ANKFY1: variants seen among roughly 807,000 people sequenced by gnomAD.
ANKFY1 encodes ankyrin repeat and FYVE domain-containing protein 1.
A neutral mutation model predicts 128.3 loss-of-function variants in ANKFY1; 47 were observed. The ratio of observed to expected loss-of-function variants is 0.37; its 90% CI spans 0.29 to 0.47. The LOEUF (loss-of-function observed/expected upper bound fraction) is 0.47, where lower values mean the gene tolerates loss of function less well. ANKFY1 is among the 20% of genes least tolerant of loss of function. The probability of loss-of-function intolerance (pLI) is 1.00; values close to 1 mark genes in which losing one functional copy is unlikely to be tolerated. For missense variants in ANKFY1, 1,222 were observed against 1,510.6 expected, an observed-to-expected ratio of 0.81 and a Z score of 3.17; for synonymous variants, 553 against 601.6, an observed-to-expected ratio of 0.92 and a Z score of 1.18.
chr17:4,167,374 C>T lies in ANKFY1; in HGVS notation c.*405G>A, dbSNP rs766918026. ...AGCTCATTAAGCAGCCAGCTTCCTA[C>T]GCTGAGAGGCTCTGCCTCATCAGTC... On this transcript the variant is annotated 3_prime_UTR_variant, in exon 25 of 25. Coordinates refer to ENST00000341657, the MANE Select transcript of ANKFY1 (RefSeq NM_001330063.2). The surrounding 1 kb of genome is among the most constrained non-coding windows in gnomAD (Gnocchi z 4.1). The T allele has an allele frequency of 1.8e-4, 28 of 157,578 alleles. No homozygotes were observed. The highest frequency in any genetic ancestry group is 3.1e-4 in the Non-Finnish European group (22 of 71,770). The allele number at this position is 157,578 out of a possible 1,614,324, so 9.8% of individuals were successfully genotyped here. A position where few individuals can be genotyped will look rare whatever the true frequency, so the allele number is the denominator to read the frequency against.
chr17:4,243,254 G>C (rs1319156136), intron 1 of ANKFY1, among the ~76,000 whole-genome samples: 1 of 151,960 alleles, frequency 6.6e-6, no homozygotes, highest in Admixed American at 6.5e-5. Flanking sequence ...TTTTAGTAGA[G>C]ATGGGGTTTC....
At chr17:4,260,786 T>A (rs962750567) in intron 1 of ANKFY1, among the ~76,000 whole-genome samples, 2 of 152,138 alleles carry the variant, frequency 1.3e-5, no homozygotes, top group Non-Finnish European at 2.9e-5. Flanking sequence ...GGTTGTTCTC[T>A]AAACAAGTCA....
chr17:4,197,348 G>C, intron 8 of ANKFY1, 25 bp downstream of exon 8: 1 of 1,611,926 alleles, frequency 6.2e-7, no homozygotes, highest in Non-Finnish European at 8.5e-7. Flanking sequence ...AGTGCTAAGG[G>C]CACAGTGTCT....
chr17:4,214,967 T>C (rs2060196387), intron 4 of ANKFY1, among the ~76,000 whole-genome samples: 1 of 152,196 alleles, frequency 6.6e-6, no homozygotes, highest in Non-Finnish European at 1.5e-5. Context: ...AGATTAACTG[T>C]CTTTTTTTAG....
chr17:4,256,946 T>C (rs1429337043), intron 1 of ANKFY1, among the ~76,000 whole-genome samples: 1 of 152,156 alleles, frequency 6.6e-6, no homozygotes, highest in Non-Finnish European at 1.5e-5. Context: ...ATAACAAATA[T>C]TAGCTAACTA....
At chr17:4,205,825 T>C (rs1298993753) in intron 7 of ANKFY1, among the ~76,000 whole-genome samples, 12 of 152,310 alleles carry the variant, frequency 7.9e-5, no homozygotes, top group Admixed American at 7.2e-4. Context: ...ATTCAAAATA[T>C]AGCTACAATT....
At chr17:4,257,621 CT>C (rs1331016910) in intron 1 of ANKFY1, among the ~76,000 whole-genome samples, 1 of 152,210 alleles carries the variant, frequency 6.6e-6, no homozygotes, top group Non-Finnish European at 1.5e-5. Context: ...TTCCCCATTA[CT>C]TCCTTAAAAA....
intron 3 of ANKFY1, chr17:4,223,420 G>A: frequency 2.0e-6 from 3 of 1,466,220 alleles, no homozygotes; most frequent in Non-Finnish European, 2.9e-6. Flanking sequence ...ACAAAGACCT[G>A]GCTGCTAGGA....
intron 5 of ANKFY1, among the ~76,000 whole-genome samples, chr17:4,209,377 C>T (rs1449702320): frequency 7.2e-5 from 11 of 152,128 alleles, no homozygotes; most frequent in South Asian, 2.1e-4. Flanking sequence ...CTCAGTTCAC[C>T]GCAACCTCCG....
chr17:4,216,907 G>A (rs775635586), intron 4 of ANKFY1, 76 bp downstream of exon 4: 4 of 1,595,304 alleles, frequency 2.5e-6, no homozygotes, highest in South Asian at 2.2e-5. Flanking sequence ...AGAAGAAGCT[G>A]TTTTCCCAGA....
Position 4,169,314 on chromosome 17 carries a change from C to A in ANKFY1, c.3287-26G>T. The A allele has an allele frequency of 1.3e-6, 2 of 1,525,116 alleles. No homozygotes were observed. Among genetic ancestry groups the A allele is most frequent in the South Asian group, 2.4e-5 (2 of 83,462 alleles). The allele number at this position is 1,525,116 out of a possible 1,614,324, so 94.5% of individuals were successfully genotyped here. A position where few individuals can be genotyped will look rare whatever the true frequency, so the allele number is the denominator to read the frequency against. Reference sequence around the variant, plus strand: ...CTGCAACACAGGGGGGAGGCCCGGTCCCGTCAAACCGCGACGGCGCCACGC... The same window carrying A: ...CTGCAACACAGGGGGGAGGCCCGGTACCGTCAAACCGCGACGGCGCCACGC... On this transcript the variant is annotated intron_variant, in intron 23 of 24. Transcript: ENST00000341657. The surrounding 1 kb of genome is among the most constrained non-coding windows in gnomAD (Gnocchi z 5.0).
chr17:4,194,859 A>T, intron 10 of ANKFY1, 119 bp downstream of exon 10: 1 of 948,064 alleles, frequency 1.1e-6, no homozygotes, highest in Non-Finnish European at 1.6e-6. Flanking sequence ...AATTAAGTAC[A>T]AAATAATTAT....
intron 3 of ANKFY1, among the ~76,000 whole-genome samples, chr17:4,221,783 AATTTTTGT>A (rs931528571): frequency 6.6e-6 from 1 of 151,870 alleles, no homozygotes; most frequent in African/African-American, 2.4e-5. Flanking sequence ...ACACCCAGCT[AATTTTTGT>A]ATTTTTGTAG....
intron 3 of ANKFY1, among the ~76,000 whole-genome samples, chr17:4,228,899 G>A (rs2060469598): frequency 6.6e-6 from 1 of 152,190 alleles, no homozygotes; most frequent in Non-Finnish European, 1.5e-5. Flanking sequence ...CACGAATTCT[G>A]CAGCCAAACT....
intron 4 of ANKFY1, chr17:4,216,459 T>G (rs2060222424): frequency 6.1e-6 from 1 of 164,736 alleles, no homozygotes; most frequent in African/African-American, 2.4e-5. Context: ...ACAGAGAAAA[T>G]GTAATATAAA....
chr17:4,202,400 T>TAA (rs534585731), intron 7 of ANKFY1, among the ~76,000 whole-genome samples: 4 of 74,492 alleles, frequency 5.4e-5, no homozygotes, highest in Non-Finnish European at 1.1e-4. Context: ...GACTGTGTCT[T>TAA]AAAAAAAAAA....
At chr17:4,216,540 G>A (rs2060223297) in intron 4 of ANKFY1, 1 of 243,498 alleles carries the variant, frequency 4.1e-6, no homozygotes, top group Admixed American at 4.9e-5. Context: ...CTGGAACACT[G>A]GCTATGACAC....
At chr17:4,194,103 A>ATATATATATATATTTT (rs1555627694) in intron 10 of ANKFY1, among the ~76,000 whole-genome samples, 1 of 108,186 alleles carries the variant, frequency 9.2e-6, no homozygotes, top group African/African-American at 4.9e-5. Flanking sequence ...ATATATATAT[A>ATATATATATATATTTT]TTTTTTTTTT....
intron 2 of ANKFY1, among the ~76,000 whole-genome samples, chr17:4,241,091 GCTTA>G (rs2067644181): frequency 6.6e-6 from 1 of 152,238 alleles, no homozygotes; most frequent in East Asian, 1.9e-4. Flanking sequence ...ACAACTGAGC[GCTTA>G]CTATGTGCTA....
Sources: gnomAD v4.1 joint callset for allele counts (sites outside exome capture counted in the v4.1 genomes callset) on GRCh38, gnomAD v4.1.1 for gene constraint, Gnocchi (gnomAD v3.1) non-coding constraint, MANE v1.5 for transcripts, NCBI Gene and HGNC (gene_info 2026-07-23, HGNC 2026-07-21) for gene names.